RGS5: variants seen among roughly 807,000 people sequenced by gnomAD.
The protein encoded by RGS5 is regulator of G-protein signalling 5.
Under a neutral mutation model 18.9 loss-of-function variants are expected in RGS5, and 20 were observed. The ratio of observed to expected loss-of-function variants is 1.06; its 90% CI spans 0.74 to 1.54. RGS5 has a LOEUF of 1.54. Ranked by LOEUF, RGS5 falls within the 40% of genes most tolerant of loss-of-function variation. RGS5 has a pLI of 0.00. For synonymous variants in RGS5, 57 were observed against 76.2 expected (o/e 0.75, Z 1.31); for missense variants, 201 against 211.8 (o/e 0.95, Z 0.32).
chr1:163,173,760 G>C (rs1217477366), intron 1 of RGS5, among the ~76,000 whole-genome samples: 1 of 152,110 alleles, frequency 6.6e-6, no homozygotes, highest in Non-Finnish European at 1.5e-5. Context: ...AATCACTGAT[G>C]AAGGTAGGTG....
intron 2 of RGS5, among the ~76,000 whole-genome samples, chr1:163,167,072 G>A (rs34228958): frequency 2.6e-5 from 4 of 151,352 alleles, no homozygotes; most frequent in African/African-American, 4.9e-5. Context: ...ATAAAAAAAG[G>A]AGGAATGGAA....
At chr1:163,190,141 C>G (rs1393119426) in intron 1 of RGS5, among the ~76,000 whole-genome samples, 1 of 151,968 alleles carries the variant, frequency 6.6e-6, no homozygotes, top group Non-Finnish European at 1.5e-5. Flanking sequence ...AAATTAGAAC[C>G]AATAAGATTG....
chr1:163,242,175 G>A (rs908355804), intron 2 of RGS5, among the ~76,000 whole-genome samples: 2 of 152,202 alleles, frequency 1.3e-5, no homozygotes, highest in African/African-American at 4.8e-5. Context: ...ATCTGAGTTA[G>A]TGGCTCCTTG....
In RGS5 at chr1:163,262,169, T is replaced by A. The variant is rs571804358; in HGVS notation, c.-281+44064A>T. Among the ~76,000 whole-genome samples, 12 of 143,558 alleles carry A rather than the reference T, an allele frequency of 8.4e-5. 1 individual carries two copies. In the South Asian group the frequency reaches 1.6e-3, roughly 19 times the overall value. 94.2% of individuals were successfully genotyped at this position (143,558 alleles called of 152,430 possible). On this transcript the variant is annotated intron_variant, in intron 2 of 5. Coordinates refer to the RGS5 transcript ENST00000618415. ...TTTGAAACTTTTTTTTTTTTTTTTT[T>A]ATTATACTCTAAGTTTTAGGGTACA...
rs143439228 is a variant in RGS5, at chr1:163,295,971, G to T, written c.-281+10262C>A. ...ATGGGCAGAGTACAGACAAAGGAGT[G>T]AGAGGAAAAAAAATTTATCAAGCTA... On this transcript the variant is annotated intron_variant, in intron 2 of 5. Coordinates refer to the RGS5 transcript ENST00000618415. Among the ~76,000 whole-genome samples, 883 of 152,056 alleles carry T rather than the reference G, an allele frequency of 5.8e-3. 9 individuals carry two copies. The highest frequency in any genetic ancestry group is 0.02 in the African/African-American group (836 of 41,478).
chr1:163,178,304 T>C (rs1658654427), intron 1 of RGS5, among the ~76,000 whole-genome samples: 1 of 151,694 alleles, frequency 6.6e-6, no homozygotes, highest in Admixed American at 6.6e-5. Context: ...AAAGGGAGAC[T>C]CTGTCTCAAA....
intron 1 of RGS5, among the ~76,000 whole-genome samples, chr1:163,173,765 T>G (rs1658413626): frequency 6.6e-6 from 1 of 152,050 alleles, no homozygotes; most frequent in African/African-American, 2.4e-5. Flanking sequence ...CTGATGAAGG[T>G]AGGTGGAGTA....
intron 1 of RGS5, among the ~76,000 whole-genome samples, chr1:163,317,139 T>C (rs1650048983): frequency 1.3e-5 from 2 of 152,198 alleles, no homozygotes; most frequent in African/African-American, 2.4e-5. Flanking sequence ...CACAGGCATG[T>C]TGAGCTAGAC....
chr1:163,240,110 C>G (rs1205141393), intron 2 of RGS5, among the ~76,000 whole-genome samples: 3 of 151,448 alleles, frequency 2.0e-5, no homozygotes, highest in African/African-American at 7.3e-5. Context: ...CAATTCCACT[C>G]TAAGTATTTA....
intron 2 of RGS5, among the ~76,000 whole-genome samples, chr1:163,235,193 T>C (rs1425210615): frequency 2.0e-5 from 3 of 152,188 alleles, no homozygotes; most frequent in Non-Finnish European, 4.4e-5. Flanking sequence ...AATCAGAGCA[T>C]CAGGCTTAAA....
intron 2 of RGS5, among the ~76,000 whole-genome samples, 171 bp downstream of exon 2, chr1:163,168,087 G>C (rs891878372): frequency 4.6e-5 from 7 of 151,654 alleles, no homozygotes; most frequent in South Asian, 2.1e-4. Context: ...CCAGACATGA[G>C]ATAGTTGAGA....
chr1:163,319,486 CA>C (rs1322259426), intron 1 of RGS5, among the ~76,000 whole-genome samples: 5 of 152,130 alleles, frequency 3.3e-5, no homozygotes, highest in Non-Finnish European at 7.3e-5. Flanking sequence ...AGTTACAGGA[CA>C]GGGAAATTAC....
rs1026995196 is a variant in RGS5, at chr1:163,180,686, G to GTTTTTTTTTTTTTTTTTTTTTTTTTTT, written c.45-12319_45-12318insAAAAAAAAAAAAAAAAAAAAAAAAAAA. ...CCCTTTGTAATAAAGCCCTTACCCT[G>GTTTTTTTTTTTTTTTTTTTTTTTTTTT]TTTTTTTTTTTTTTTTTTTTTTTTT... On this transcript the variant is annotated intron_variant, in intron 1 of 4. Coordinates refer to ENST00000313961, the MANE Select transcript of RGS5 (RefSeq NM_003617.4). 3.7e-4 allele frequency among the ~76,000 whole-genome samples: 23 copies of GTTTTTTTTTTTTTTTTTTTTTTTTTTT among 61,982 alleles called. 4 individuals carry two copies. Among genetic ancestry groups the GTTTTTTTTTTTTTTTTTTTTTTTTTTT allele is most frequent in the Non-Finnish European group, 4.5e-4 (15 of 33,508 alleles). 40.7% of individuals were successfully genotyped at this position (61,982 alleles called of 152,430 possible).
chr1:163,147,912 C>CTTTTTCATTT, intron 4 of RGS5, among the ~76,000 whole-genome samples: 1 of 101,930 alleles, frequency 9.8e-6, no homozygotes, highest in East Asian at 3.3e-4. Context: ...GTGCTTTTTT[C>CTTTTTCATTT]TTTTTCTTTT....
intron 1 of RGS5, among the ~76,000 whole-genome samples, chr1:163,317,605 A>C (rs1650062123): frequency 6.6e-6 from 1 of 152,148 alleles, no homozygotes; most frequent in South Asian, 2.1e-4. Context: ...ATACTAACCT[A>C]ATCATGTTGA....
intron 1 of RGS5, among the ~76,000 whole-genome samples, chr1:163,193,045 C>T (rs554182706): frequency 6.6e-6 from 1 of 152,156 alleles, no homozygotes; most frequent in Non-Finnish European, 1.5e-5. Flanking sequence ...AAAACAGCTC[C>T]ACATACTTCG....
chr1:163,166,704 A>G (rs1172319266), intron 2 of RGS5, among the ~76,000 whole-genome samples: 2 of 152,210 alleles, frequency 1.3e-5, no homozygotes, highest in Non-Finnish European at 2.9e-5. Context: ...AAGAAAGGGG[A>G]TGGAAGACAA....
chr1:163,290,319 C>T (rs1466354149), intron 2 of RGS5, among the ~76,000 whole-genome samples: 5 of 152,180 alleles, frequency 3.3e-5, no homozygotes, highest in Admixed American at 2.6e-4. Flanking sequence ...TCCACGTCCT[C>T]GATTTCCTTG....
chr1:163,219,186 A>C (rs747421354), upstream of RGS5, among the ~76,000 whole-genome samples: 1 of 152,188 alleles, frequency 6.6e-6, no homozygotes, highest in Admixed American at 6.5e-5. Flanking sequence ...CAAATTTAAC[A>C]CACTCGTACA....
Sources: gnomAD v4.1 joint callset for allele counts (sites outside exome capture counted in the v4.1 genomes callset) on GRCh38, gnomAD v4.1.1 for gene constraint, MANE v1.5 for transcripts, NCBI Gene and HGNC (gene_info 2026-07-23, HGNC 2026-07-21) for gene names.